Variants in HSP90AA1 observed in about 807,000 individuals in gnomAD.
The protein encoded by HSP90AA1 is heat shock protein HSP 90-alpha.
HSP90AA1 carries 18 observed loss-of-function variants against 73.3 expected under a neutral mutation model. The ratio of observed to expected loss-of-function variants is 0.25; its 90% CI spans 0.17 to 0.36. The LOEUF is 0.36. Ranked by LOEUF, HSP90AA1 falls within the 10% of genes least tolerant of loss-of-function variation. The pLI, the probability that HSP90AA1 is intolerant of heterozygous loss-of-function variation, is 1.00. For synonymous variants in HSP90AA1, 477 were observed against 296.9 expected (o/e 1.61, Z -6.24); for missense variants, 704 against 874.2 (o/e 0.81, Z 2.45).
At chr14:102,106,187 C>T (rs1046631252) in intron 1 of HSP90AA1, among the ~76,000 whole-genome samples, 1 of 152,176 alleles carries the variant, frequency 6.6e-6, no homozygotes, top group African/African-American at 2.4e-5. Context: ...TAGAGCCTGG[C>T]TTTTCCAGTT....
upstream of HSP90AA1, among the ~76,000 whole-genome samples, chr14:102,087,772 C>T (rs911868042): frequency 6.6e-6 from 1 of 152,156 alleles, no homozygotes; most frequent in Non-Finnish European, 1.5e-5. Flanking sequence ...GTGCTTCATA[C>T]TTAAGGGTCC....
chr14:102,084,943 T>C lies in HSP90AA1; in HGVS notation c.719A>G (p.Asp240Gly), dbSNP rs1566720243. The C allele has an allele frequency of 3.8e-6, 6 of 1,598,556 alleles. No individual in the cohort carries two copies. The South Asian group carries it at 6.6e-5, about 18-fold the overall frequency. ...TTCTTTTTCTTTTTCTTCTTCTTTG[T>C]CTTCCTTTTCTTCAGCCTCATCATC... ...VSDDEAEEKE[D>G]KEEEKEKEEK... Residue 240 changes from aspartate (D) to glycine (G), a missense_variant, in exon 5 of 11, where the codon GAC (aspartate) becomes GGC (glycine). Transcript: ENST00000216281.
chr14:102,099,661 C>T (rs556035430), intron 2 of HSP90AA1, among the ~76,000 whole-genome samples: 6 of 152,300 alleles, frequency 3.9e-5, no homozygotes, highest in African/African-American at 7.2e-5. Flanking sequence ...AAATGTGACA[C>T]GTGTGTTTAG....
At chr14:102,134,322 CAAAAAAAAAAAAA>C (rs57081266) in intron 1 of HSP90AA1, among the ~76,000 whole-genome samples, 1 of 69,090 alleles carries the variant, frequency 1.4e-5, no homozygotes, top group Non-Finnish European at 2.6e-5. Flanking sequence ...GGCTCTGTCT[CAAAAAAAAAAAAA>C]AAAAAAAAAA....
At chr14:102,091,311 G>A (rs998808051), upstream of HSP90AA1, among the ~76,000 whole-genome samples, 4 of 152,076 alleles carry the variant, frequency 2.6e-5, no homozygotes, top group African/African-American at 9.7e-5. Flanking sequence ...TCTGGCTCAT[G>A]ATTTTTGTTT....
At chr14:102,114,989 A>G (rs2152622779) in intron 1 of HSP90AA1, among the ~76,000 whole-genome samples, 1 of 152,064 alleles carries the variant, frequency 6.6e-6, no homozygotes, top group Admixed American at 6.6e-5. Context: ...AACAACAACA[A>G]CAAAATTAGC....
In HSP90AA1 at chr14:102,086,473, T is replaced by C. The variant is rs548969063; in HGVS notation, c.1-95A>G. The C allele has an allele frequency of 4.5e-4, 633 of 1,408,140 alleles. No homozygotes were observed. The highest frequency in any genetic ancestry group is 6.0e-4 in the Non-Finnish European group (595 of 992,588). 87.2% of individuals were successfully genotyped at this position (1,408,140 alleles called of 1,614,324 possible). On this transcript the variant is annotated intron_variant, in intron 1 of 10. Transcript: ENST00000216281. ...TTCTCCAAATATTTTTAAAGCCGAA[T>C]TGGAGATTTGCGAAGTTTAAGTAAA... is the stretch of plus-strand genomic sequence containing the variant.
intron 1 of HSP90AA1, among the ~76,000 whole-genome samples, chr14:102,110,192 C>T (rs1227752190): frequency 1.3e-5 from 2 of 152,164 alleles, no homozygotes; most frequent in African/African-American, 4.8e-5. Flanking sequence ...CTTGGCCTCC[C>T]AAAGTGCTGG....
At chr14:102,085,723 C>A in intron 3 of HSP90AA1, 35 bp downstream of exon 3, 1 of 1,613,878 alleles carries the variant, frequency 6.2e-7, no homozygotes, top group Admixed American at 1.7e-5. Context: ...CACCCTTCCA[C>A]CGCTCACTTA....
chr14:102,084,353 ACTT>A, intron 6 of HSP90AA1, 43 bp downstream of exon 6: 1 of 1,566,156 alleles, frequency 6.4e-7, no homozygotes, highest in Non-Finnish European at 8.8e-7. Flanking sequence ...CCCAGAAAGT[ACTT>A]CTTTAATCAG....
At chr14:102,137,379 G>A (rs915155186) in intron 1 of HSP90AA1, among the ~76,000 whole-genome samples, 2 of 151,926 alleles carry the variant, frequency 1.3e-5, no homozygotes, top group Non-Finnish European at 2.9e-5. Context: ...AGGCTGGAGT[G>A]CAGTGGTGCC....
Position 102,086,129 on chromosome 14 carries a change from T to C in HSP90AA1, c.163-5A>G, listed in dbSNP as rs1019382172. On this transcript the variant is annotated splice_region_variant and splice_polypyrimidine_tract_variant and intron_variant, in intron 2 of 10. Transcript: ENST00000216281. ...ATACCGGATTTTGTCCAATGCCTGT[T>C]AACAAAAAATATTAATTTAAGCATA... 32 of 1,614,000 alleles carry C rather than the reference T, an allele frequency of 2.0e-5. No homozygotes were observed. The highest frequency in any genetic ancestry group is 2.7e-5 in the African/African-American group (2 of 74,936).
chr14:102,122,807 A>G (rs904125832), intron 1 of HSP90AA1, among the ~76,000 whole-genome samples: 1 of 151,786 alleles, frequency 6.6e-6, no homozygotes, highest in Middle Eastern at 3.4e-3. Context: ...AGCTGGGATT[A>G]CAGGTGCCTG....
chr14:102,083,732 T>TAAAAAAAAAAA, intron 7 of HSP90AA1, 39 bp from the exon 8 acceptor site: 3 of 1,400,546 alleles, frequency 2.1e-6, no homozygotes, highest in African/African-American at 3.2e-5. Context: ...CTTTCTGAAT[T>TAAAAAAAAAAA]AAAAAAAAAA....
intron 9 of HSP90AA1, 192 bp downstream of exon 9, chr14:102,082,842 G>T: frequency 1.6e-6 from 1 of 642,196 alleles, no homozygotes; most frequent in Middle Eastern, 4.4e-4. Flanking sequence ...GGATGGTCTC[G>T]ATCTCCTGAC....
At chr14:102,101,771 C>T in intron 2 of HSP90AA1, 2 of 882,338 alleles carry the variant, frequency 2.3e-6, no homozygotes, top group African/African-American at 1.6e-5. Context: ...AAGAGAGTGA[C>T]ATTGTTTTAG....
chr14:102,085,667 C>T (rs2049212774), intron 3 of HSP90AA1, 91 bp downstream of exon 3: 2 of 1,578,398 alleles, frequency 1.3e-6, no homozygotes, highest in Middle Eastern at 1.7e-4. Context: ...AACACAAATT[C>T]TGTAAGCTTC....
intron 2 of HSP90AA1, among the ~76,000 whole-genome samples, chr14:102,097,187 T>C (rs919403531): frequency 2.0e-5 from 3 of 152,064 alleles, no homozygotes; most frequent in Admixed American, 6.6e-5. Context: ...GGTTTCTCCA[T>C]GTTGGCCAGG....
intron 1 of HSP90AA1, among the ~76,000 whole-genome samples, chr14:102,103,957 TC>T (rs2049530252): frequency 3.3e-5 from 5 of 151,092 alleles, no homozygotes; most frequent in Admixed American, 6.6e-5. Flanking sequence ...TGAGCTGAGT[TC>T]GGATTACAGG....
Sources: gnomAD v4.1 joint callset for allele counts (sites outside exome capture counted in the v4.1 genomes callset) on GRCh38, gnomAD v4.1.1 for gene constraint, MANE v1.5 for transcripts, NCBI Gene and HGNC (gene_info 2026-07-23, HGNC 2026-07-21) for gene names.